SLC24A3: variants seen among roughly 807,000 people sequenced by gnomAD.
SLC24A3 encodes solute carrier family 24 member 3, also known as sodium/potassium/calcium exchanger 3.
Under a neutral mutation model 75.8 loss-of-function variants are expected in SLC24A3, and 28 were observed. The ratio of observed to expected loss-of-function variants is 0.37; its 90% CI spans 0.27 to 0.51. The LOEUF (loss-of-function observed/expected upper bound fraction) is 0.51, where lower values mean the gene tolerates loss of function less well. Ranked by LOEUF, SLC24A3 falls within the 20% of genes least tolerant of loss-of-function variation. SLC24A3 has a pLI of 0.94. For missense variants in SLC24A3, 663 were observed against 847.8 expected, an observed-to-expected ratio of 0.78 and a Z score of 2.71; for synonymous variants, 372 against 334.1, an observed-to-expected ratio of 1.11 and a Z score of -1.24.
intron 1 of SLC24A3, among the ~76,000 whole-genome samples, chr20:19,234,763 G>T (rs1400461720): frequency 6.6e-6 from 1 of 152,208 alleles, no homozygotes; most frequent in African/African-American, 2.4e-5. Context: ...GGTCTGGGAA[G>T]AGGAACAGCA....
rs370468093 is a variant in SLC24A3, at chr20:19,214,642, G to A, written c.142+1658G>A. 2.0e-3 allele frequency among the ~76,000 whole-genome samples: 305 copies of A among 152,162 alleles called. 9 individuals are homozygous for A. In the South Asian group the frequency reaches 0.057, roughly 29 times the overall value. ...ATAGTTAAGTCAATCAGTGACAGGG[G>A]GCTGCCTGGGCCCTGAAAAGCTGGG... On this transcript the variant is annotated intron_variant, in intron 1 of 16. Coordinates refer to ENST00000328041, the MANE Select transcript of SLC24A3 (RefSeq NM_020689.4).
intron 2 of SLC24A3, among the ~76,000 whole-genome samples, chr20:19,333,496 G>T (rs147681379): frequency 6.6e-6 from 1 of 152,236 alleles, no homozygotes; most frequent in South Asian, 2.1e-4. Flanking sequence ...TCACCAAAGC[G>T]GTTTGTGGTA....
In SLC24A3 at chr20:19,681,928, G is replaced by C; in HGVS notation, c.838G>C (p.Ala280Pro). ...TGCCGGGAACATGGTCAACGGATTG[G>C]CCAACAATGCTGAAATTGATGACAG... Reference protein sequence around the residue: ...KGAGNMVNGLANNAEIDDSSN... With the variant: ...KGAGNMVNGLPNNAEIDDSSN... Residue 280 changes from alanine to proline, a missense_variant, in exon 10 of 17, where the codon GCC becomes CCC. This residue lies in a region of SLC24A3 where 510 missense variants were observed against 703.6 expected (regional missense o/e 0.72). Transcript: ENST00000328041. The C allele has an allele frequency of 6.2e-7, 1 of 1,614,162 alleles. No homozygotes were observed. Among genetic ancestry groups the C allele is most frequent in the South Asian group, 1.1e-5 (1 of 91,076 alleles).
chr20:19,397,647 C>CTTTTTTTTTTTTTTT (rs3057518), intron 2 of SLC24A3, among the ~76,000 whole-genome samples: 146 of 116,958 alleles, frequency 1.2e-3, no homozygotes, highest in Non-Finnish European at 2.0e-3. Context: ...TTTTTCTTTT[C>CTTTTTTTTTTTTTTT]TTTTTTTTTT....
chr20:19,463,868 A>C (rs571390546), intron 2 of SLC24A3, among the ~76,000 whole-genome samples: 1 of 152,318 alleles, frequency 6.6e-6, no homozygotes, highest in South Asian at 2.1e-4. Flanking sequence ...TGTCACCTAC[A>C]GGGCTTTCCC....
At chr20:19,716,206 C>T (rs538864315) in intron 15 of SLC24A3, among the ~76,000 whole-genome samples, 1 of 152,198 alleles carries the variant, frequency 6.6e-6, no homozygotes, top group South Asian at 2.1e-4. Context: ...AGAACCACTG[C>T]TCTAAGGAAT....
chr20:19,699,471 G>C (rs1333878401), intron 15 of SLC24A3, among the ~76,000 whole-genome samples: 1 of 152,248 alleles, frequency 6.6e-6, no homozygotes, highest in African/African-American at 2.4e-5. Flanking sequence ...ACAGATGGTA[G>C]TAACAGATGG....
intron 2 of SLC24A3, among the ~76,000 whole-genome samples, chr20:19,304,724 G>A (rs1469478514): frequency 1.3e-5 from 2 of 151,916 alleles, no homozygotes; most frequent in South Asian, 2.1e-4. Context: ...TTTTACAAGG[G>A]GGAAAAAAGC....
chr20:19,629,868 C>G (rs992643386), intron 6 of SLC24A3, among the ~76,000 whole-genome samples: 1 of 152,146 alleles, frequency 6.6e-6, no homozygotes, highest in African/African-American at 2.4e-5. Context: ...AGAGTTATCA[C>G]CACTAGGCCT....
chr20:19,590,746 C>T (rs2031363656), intron 6 of SLC24A3, among the ~76,000 whole-genome samples: 1 of 152,212 alleles, frequency 6.6e-6, no homozygotes, highest in African/African-American at 2.4e-5. Context: ...TTTCTCCCGG[C>T]ATCTTCTGCA....
At chr20:19,506,536 T>A (rs1315587623) in intron 2 of SLC24A3, among the ~76,000 whole-genome samples, 1 of 152,220 alleles carries the variant, frequency 6.6e-6, no homozygotes, top group East Asian at 1.9e-4. Flanking sequence ...TCCACTAACG[T>A]CTATGTGAAC....
At chr20:19,242,489 A>G (rs761659005) in intron 1 of SLC24A3, 8 of 152,208 alleles carry the variant, frequency 5.3e-5, no homozygotes, top group Admixed American at 2.6e-4. Flanking sequence ...CTGGGATTGC[A>G]TCTGATGTTT....
intron 3 of SLC24A3, among the ~76,000 whole-genome samples, chr20:19,572,999 G>A (rs2031077333): frequency 6.6e-6 from 1 of 152,156 alleles, no homozygotes; most frequent in Admixed American, 6.5e-5. Context: ...GTGTTCCCTG[G>A]GAGGTTTAAG....
intron 2 of SLC24A3, among the ~76,000 whole-genome samples, chr20:19,510,110 CG>C (rs1312041885): frequency 6.6e-6 from 1 of 152,208 alleles, no homozygotes; most frequent in Non-Finnish European, 1.5e-5. Context: ...CCTCCCTAAA[CG>C]AAGCTGCTGC....
Position 19,483,301 on chromosome 20 carries a change from T to C in SLC24A3, c.272-32187T>C, listed in dbSNP as rs565223031. 2.1e-3 allele frequency among the ~76,000 whole-genome samples: 316 copies of C among 152,274 alleles called. 1 individual carries two copies. The highest frequency in any genetic ancestry group is 4.0e-3 in the Non-Finnish European group (271 of 68,008). On this transcript the variant is annotated intron_variant, in intron 2 of 16. Transcript: ENST00000328041. Reference sequence around the variant, plus strand: ...CTTCTTAGCAGATTTTTTACTGAGCTTGGCTTTCCAAAACAACTGGGGTCC... The same window carrying C: ...CTTCTTAGCAGATTTTTTACTGAGCCTGGCTTTCCAAAACAACTGGGGTCC...
intron 6 of SLC24A3, 149 bp from the exon 7 acceptor site, chr20:19,653,912 AT>A (rs1163714377): frequency 7.1e-6 from 4 of 563,306 alleles, no homozygotes; most frequent in Non-Finnish European, 1.3e-5. Context: ...CCAGACTAAT[AT>A]GCCTAAATAC....
intron 2 of SLC24A3, among the ~76,000 whole-genome samples, chr20:19,497,297 G>A (rs943955644): frequency 6.6e-5 from 10 of 152,152 alleles, no homozygotes; most frequent in Non-Finnish European, 1.3e-4. Flanking sequence ...TGGGTAGAAG[G>A]GGCTAGGACC....
chr20:19,227,707 A>G (rs1981908164), intron 1 of SLC24A3, among the ~76,000 whole-genome samples: 1 of 152,158 alleles, frequency 6.6e-6, no homozygotes, highest in South Asian at 2.1e-4. Flanking sequence ...CTTATGTACC[A>G]GAGGCAAATA....
intron 2 of SLC24A3, among the ~76,000 whole-genome samples, chr20:19,493,325 T>A (rs1988234215): frequency 6.6e-6 from 1 of 152,206 alleles, no homozygotes; most frequent in African/African-American, 2.4e-5. Context: ...GATGCATACC[T>A]TGGAAGACAC....
Sources: gnomAD v4.1 joint callset for allele counts (sites outside exome capture counted in the v4.1 genomes callset) on GRCh38, gnomAD v4.1.1 for gene constraint, gnomAD v4.1.1 regional missense constraint, MANE v1.5 for transcripts, NCBI Gene and HGNC (gene_info 2026-07-23, HGNC 2026-07-21) for gene names.